Variants in DPF3 observed in about 807,000 individuals in gnomAD.
DPF3 encodes zinc finger protein DPF3.
DPF3 carries 18 observed loss-of-function variants against 56.8 expected under a neutral mutation model. The ratio of observed to expected loss-of-function variants is 0.32; its 90% CI spans 0.22 to 0.47. The LOEUF is 0.47. DPF3 is among the 20% of genes least tolerant of loss of function. The probability of loss-of-function intolerance (pLI) is 1.00; values close to 1 mark genes in which losing one functional copy is unlikely to be tolerated. For synonymous variants in DPF3, 188 were observed against 180.2 expected (o/e 1.04, Z -0.35); for missense variants, 403 against 488.8 (o/e 0.82, Z 1.65).
intron 6 of DPF3, among the ~76,000 whole-genome samples, chr14:72,710,061 T>C (rs1480564081): frequency 6.6e-6 from 1 of 152,268 alleles, no homozygotes; most frequent in Non-Finnish European, 1.5e-5. Flanking sequence ...TTCTTTGCTA[T>C]GATGTTTCTT....
At chr14:72,649,071 T>C (rs1010255203) in intron 8 of DPF3, among the ~76,000 whole-genome samples, 1 of 152,142 alleles carries the variant, frequency 6.6e-6, no homozygotes, top group African/African-American at 2.4e-5. Context: ...TTCTTCCTTT[T>C]ATGTGGACTC....
In DPF3 at chr14:72,613,029, T is replaced by C. The variant is rs1883851229; in HGVS notation, c.*6268A>G. Among the ~76,000 whole-genome samples, 1 of 151,068 alleles carries C rather than the reference T, an allele frequency of 6.6e-6. No homozygotes were observed. Among genetic ancestry groups the C allele is most frequent in the Non-Finnish European group, 1.5e-5 (1 of 67,752 alleles). On this transcript the variant is annotated 3_prime_UTR_variant, in exon 11 of 11. Coordinates refer to ENST00000556509, the MANE Select transcript of DPF3 (RefSeq NM_001280542.3). ...GTGTGTGTGTGTGTGTGTGTGTGTG[T>C]GTATGTGCGTGCGTGCACGCACGCG...
intron 1 of DPF3, among the ~76,000 whole-genome samples, chr14:72,837,278 ACT>A (rs1050772925): frequency 3.9e-5 from 6 of 151,980 alleles, no homozygotes; most frequent in African/African-American, 1.5e-4. Context: ...AAGAAAGAAA[ACT>A]CTTTCCTAAA....
At chr14:72,783,563 T>G (rs1261532336) in intron 1 of DPF3, among the ~76,000 whole-genome samples, 2 of 152,112 alleles carry the variant, frequency 1.3e-5, no homozygotes, top group African/African-American at 4.8e-5. Flanking sequence ...ACAACATAAA[T>G]GACAGCAGGT....
intron 8 of DPF3, among the ~76,000 whole-genome samples, chr14:72,669,007 GC>G (rs1886552270): frequency 6.6e-6 from 1 of 152,166 alleles, no homozygotes; most frequent in Non-Finnish European, 1.5e-5. Context: ...CTAGGAACAG[GC>G]CACATATAGA....
intron 1 of DPF3, among the ~76,000 whole-genome samples, chr14:72,817,199 C>A (rs1837663117): frequency 6.6e-6 from 1 of 152,192 alleles, no homozygotes; most frequent in Non-Finnish European, 1.5e-5. Context: ...CCAGGTAAGC[C>A]TAAATGGCCC....
intron 6 of DPF3, among the ~76,000 whole-genome samples, chr14:72,696,954 G>A (rs868384597): frequency 1.3e-5 from 2 of 152,234 alleles, no homozygotes; most frequent in Non-Finnish European, 2.9e-5. Context: ...TAGAAGGCTG[G>A]ATCTATTTAG....
chr14:72,855,581 C>T (rs536598164), intron 1 of DPF3, among the ~76,000 whole-genome samples: 33 of 152,304 alleles, frequency 2.2e-4, no homozygotes, highest in Middle Eastern at 6.8e-3. Context: ...AGACATAGAA[C>T]GCCTTGTCAT....
intron 1 of DPF3, 30 bp from the exon 2 acceptor site, chr14:72,771,923 G>A: frequency 1.3e-6 from 2 of 1,501,198 alleles, no homozygotes; most frequent in Middle Eastern, 1.8e-4. Context: ...AAGGGGTGAG[G>A]CCAGGGAAGA....
At chr14:72,769,825 C>T (rs1721904911) in intron 2 of DPF3, among the ~76,000 whole-genome samples, 1 of 151,522 alleles carries the variant, frequency 6.6e-6, no homozygotes, top group South Asian at 2.1e-4. Context: ...TGGTGGTATT[C>T]AAAAAAATAA....
At chr14:72,815,523 A>G (rs914839614) in intron 1 of DPF3, among the ~76,000 whole-genome samples, 3 of 152,248 alleles carry the variant, frequency 2.0e-5, no homozygotes, top group African/African-American at 7.2e-5. Context: ...AGACCTATAA[A>G]TAGGAATATT....
intron 8 of DPF3, chr14:72,661,384 T>G: frequency 1.0e-6 from 1 of 985,248 alleles, no homozygotes; most frequent in Non-Finnish European, 1.2e-6. Context: ...TCAGAACCAT[T>G]TCAGTAACAC....
chr14:72,870,539 C>T (rs1885856958), intron 1 of DPF3, among the ~76,000 whole-genome samples: 1 of 152,206 alleles, frequency 6.6e-6, no homozygotes, highest in Non-Finnish European at 1.5e-5. Flanking sequence ...TGCTCCTGGA[C>T]AAAGCATGCC....
chr14:72,692,268 G>C (rs903874361), intron 7 of DPF3, among the ~76,000 whole-genome samples: 4 of 152,196 alleles, frequency 2.6e-5, no homozygotes, highest in Non-Finnish European at 5.9e-5. Flanking sequence ...TCTTCACTGA[G>C]AGATCTCAGT....
chr14:72,613,447 T>C lies in DPF3; in HGVS notation c.*5850A>G, dbSNP rs1454119525. Among the ~76,000 whole-genome samples the C allele has an allele frequency of 6.6e-6, 1 of 152,218 alleles. No homozygotes were observed. ...TGGCCTGCCCTGGGAAATGTCGCCA[T>C]CAGCAAAATACTCCCTTCTCCTGGT... On this transcript the variant is annotated 3_prime_UTR_variant, in exon 11 of 11. Coordinates refer to ENST00000556509, the MANE Select transcript of DPF3 (RefSeq NM_001280542.3).
chr14:72,856,311 T>C (rs1212635553), intron 1 of DPF3, among the ~76,000 whole-genome samples: 1 of 152,196 alleles, frequency 6.6e-6, no homozygotes, highest in Admixed American at 6.5e-5. Context: ...CAGGAGAACA[T>C]CTTTCCTTCC....
intron 1 of DPF3, among the ~76,000 whole-genome samples, chr14:72,818,113 C>T (rs1333012432): frequency 6.6e-6 from 1 of 151,952 alleles, no homozygotes; most frequent in African/African-American, 2.4e-5. Context: ...TGGTGGTACA[C>T]ACATGTAATC....
At chr14:72,886,391 G>T (rs964875386) in intron 1 of DPF3, among the ~76,000 whole-genome samples, 4 of 152,148 alleles carry the variant, frequency 2.6e-5, no homozygotes, top group Non-Finnish European at 2.9e-5. Context: ...AGAAAGAAAA[G>T]GGTCTGGAAA....
intron 1 of DPF3, among the ~76,000 whole-genome samples, chr14:72,816,582 G>A (rs1567242897): frequency 6.6e-6 from 1 of 151,582 alleles, no homozygotes; most frequent in Non-Finnish European, 1.5e-5. Context: ...TCCTTCATCT[G>A]CAGGATGGAA....
Sources: gnomAD v4.1 joint callset for allele counts (sites outside exome capture counted in the v4.1 genomes callset) on GRCh38, gnomAD v4.1.1 for gene constraint, MANE v1.5 for transcripts, NCBI Gene and HGNC (gene_info 2026-07-23, HGNC 2026-07-21) for gene names.